The following PPARGC1B variants were observed in gnomAD, a reference collection of about 807,000 sequenced individuals.
PPARGC1B encodes the protein PPARG coactivator 1 beta, also known as peroxisome proliferator-activated receptor gamma coactivator 1-beta.
PPARGC1B carries 34 observed loss-of-function variants against 101.6 expected under a neutral mutation model. The ratio of observed to expected loss-of-function variants is 0.33; its 90% CI spans 0.25 to 0.45. PPARGC1B has a LOEUF of 0.45. PPARGC1B is among the 20% of genes least tolerant of loss of function. PPARGC1B has a pLI of 1.00. For synonymous variants in PPARGC1B, 548 were observed against 539.3 expected (o/e 1.02, Z -0.22); for missense variants, 1,234 against 1,317.6 (o/e 0.94, Z 0.98).
intron 1 of PPARGC1B, chr5:149,732,875 T>TG (rs1180918386): frequency 2.1e-6 from 1 of 470,632 alleles, no homozygotes; most frequent in African/African-American, 2.0e-5. Context: ...GCACTGGACT[T>TG]GGAGTCAGAA....
chr5:149,747,188 C>G (rs543523245), intron 1 of PPARGC1B, among the ~76,000 whole-genome samples: 118 of 152,228 alleles, frequency 7.8e-4, no homozygotes, highest in South Asian at 3.3e-3. Context: ...TGTCAGGAAG[C>G]CTTTGCCTGC....
At chr5:149,829,130 G>C (rs934996547) in intron 3 of PPARGC1B, among the ~76,000 whole-genome samples, 21 of 152,136 alleles carry the variant, frequency 1.4e-4, no homozygotes, top group African/African-American at 4.3e-4. Flanking sequence ...ATCCCAGAGA[G>C]TCCAGCGATG....
Position 149,833,171 on chromosome 5 carries a change from T to C in PPARGC1B, c.1098T>C (p.Tyr366=). ...SKPYRLATPV[Y]ASLTPRSRPR... ...CCTACCGTCTGGCCACGCCTGTTTA[T>C]GCCTCCCTCACACCTCGGTCAAGGC... The change falls in exon 5 of 12, where the codon TAT becomes TAC. Residue 366 remains tyrosine (Y), a synonymous_variant. Transcript: ENST00000309241. The surrounding 1 kb of genome is among the most constrained non-coding windows in gnomAD (Gnocchi z 4.1). 1 of 1,613,588 alleles carries C rather than the reference T, an allele frequency of 6.2e-7. No homozygotes were observed. The highest frequency in any genetic ancestry group is 1.1e-5 in the South Asian group (1 of 91,088).
At chr5:149,763,357 CA>C (rs1245351795) in intron 1 of PPARGC1B, among the ~76,000 whole-genome samples, 1 of 152,070 alleles carries the variant, frequency 6.6e-6, no homozygotes, top group Non-Finnish European at 1.5e-5. Flanking sequence ...TTCTTGTCAT[CA>C]GGGGCTGTTG....
chr5:149,755,751 C>T (rs2113136133), intron 1 of PPARGC1B, among the ~76,000 whole-genome samples: 1 of 151,780 alleles, frequency 6.6e-6, no homozygotes, highest in Non-Finnish European at 1.5e-5. Flanking sequence ...TCAAGCGATT[C>T]TCTTGCCTCA....
In PPARGC1B at chr5:149,762,601, G is replaced by A. The variant is rs568376354; in HGVS notation, c.78+32181G>A. ...TCCCTCATGGAAGGGATTTTAGAGG[G>A]TGTGTTATCCAAATAGCCTCCCAGG... On this transcript the variant is annotated intron_variant, in intron 1 of 11. Transcript: ENST00000309241. 2.6e-5 allele frequency among the ~76,000 whole-genome samples: 4 copies of A among 152,340 alleles called. No homozygotes were observed. In the East Asian group the frequency reaches 5.8e-4, roughly 22 times the overall value.
chr5:149,778,181 G>A (rs1254375522), intron 1 of PPARGC1B, among the ~76,000 whole-genome samples: 1 of 150,746 alleles, frequency 6.6e-6, no homozygotes, highest in Non-Finnish European at 1.5e-5. Context: ...CTGGCTGCTC[G>A]TATCCATGGA....
chr5:149,836,480 A>G lies in PPARGC1B; in HGVS notation c.2025A>G (p.Pro675=), dbSNP rs1303503843. The G allele has an allele frequency of 6.2e-7, 1 of 1,614,020 alleles. No homozygotes were observed. The highest frequency in any genetic ancestry group is 8.5e-7 in the Non-Finnish European group (1 of 1,180,034). ...ACCTGCGACATGCCACAGCCCAGCCAGCCTCCCAGGCTGGCCAGAAGCGTC... is the reference window on the plus strand; with the variant it reads ...ACCTGCGACATGCCACAGCCCAGCCGGCCTCCCAGGCTGGCCAGAAGCGTC... The part of the protein sequence containing the change: ...LSHLRHATAQ[P]ASQAGQKRPF... Residue 675 remains proline (P), a synonymous_variant, in exon 8 of 12, where the codon CCA becomes CCG. Transcript: ENST00000309241.
At chr5:149,747,037 CTA>C (rs1755118870) in intron 1 of PPARGC1B, among the ~76,000 whole-genome samples, 1 of 152,176 alleles carries the variant, frequency 6.6e-6, no homozygotes, top group Non-Finnish European at 1.5e-5. Flanking sequence ...TTCTCCCATT[CTA>C]TGTGTTGCCT....
intron 1 of PPARGC1B, among the ~76,000 whole-genome samples, chr5:149,764,579 C>A (rs901019584): frequency 2.6e-5 from 4 of 152,156 alleles, no homozygotes; most frequent in African/African-American, 9.7e-5. Flanking sequence ...GAAACTGAGT[C>A]CCAGCAAGTG....
intron 1 of PPARGC1B, among the ~76,000 whole-genome samples, chr5:149,795,595 G>C (rs1757180122): frequency 1.3e-5 from 2 of 152,172 alleles, no homozygotes; most frequent in Admixed American, 6.5e-5. Context: ...ATGCAAATCT[G>C]AGTACAGGTG....
At chr5:149,807,648 C>T (rs1191396709) in intron 1 of PPARGC1B, among the ~76,000 whole-genome samples, 2 of 152,122 alleles carry the variant, frequency 1.3e-5, no homozygotes, top group Non-Finnish European at 2.9e-5. Context: ...CTGAATGCCA[C>T]CCCCCATCCT....
chr5:149,838,828 A>T (rs894375900), intron 8 of PPARGC1B, among the ~76,000 whole-genome samples: 1 of 152,208 alleles, frequency 6.6e-6, no homozygotes, highest in Non-Finnish European at 1.5e-5. Flanking sequence ...AAACCTGGTA[A>T]GATACTAATC....
chr5:149,817,758 C>A (rs1257217764), intron 1 of PPARGC1B: 2 of 456,596 alleles, frequency 4.4e-6, no homozygotes, highest in Non-Finnish European at 4.4e-6. Flanking sequence ...TGAACTCATA[C>A]AGCTGATGGG....
In PPARGC1B at chr5:149,847,662, G is replaced by C. The variant is rs555867703; in HGVS notation, c.*104G>C. 1 of 815,216 alleles carries C rather than the reference G, an allele frequency of 1.2e-6. No homozygotes were observed. Among genetic ancestry groups the C allele is most frequent in the Non-Finnish European group, 2.0e-6 (1 of 495,426 alleles). 50.5% of individuals were successfully genotyped at this position (815,216 alleles called of 1,614,324 possible). A position where few individuals can be genotyped will look rare whatever the true frequency, so the allele number is the denominator to read the frequency against. On this transcript the variant is annotated 3_prime_UTR_variant, in exon 12 of 12. Coordinates refer to ENST00000309241, the MANE Select transcript of PPARGC1B (RefSeq NM_133263.4). ...AAGTATATGAGGAGAGCGAGCGAGC[G>C]TGAGAGAACACCCGTGAGAGAGACT...
Position 149,762,907 on chromosome 5 carries a change from C to T in PPARGC1B, c.78+32487C>T, listed in dbSNP as rs367780922. Among the ~76,000 whole-genome samples the T allele has an allele frequency of 2.0e-5, 3 of 152,282 alleles. No homozygotes were observed. The East Asian group carries it at 5.8e-4, about 29-fold the overall frequency. On this transcript the variant is annotated intron_variant, in intron 1 of 11. Transcript: ENST00000309241. ...GCTCAAGTGATTCTCCCACCTCAGC[C>T]TCCCAAGCAGCTGAAACTATAGGTG...
At chr5:149,814,746 T>C (rs1757990221) in intron 1 of PPARGC1B, among the ~76,000 whole-genome samples, 1 of 152,250 alleles carries the variant, frequency 6.6e-6, no homozygotes, top group South Asian at 2.1e-4. Flanking sequence ...AAGCTTCCAA[T>C]GAAGCCACTT....
intron 1 of PPARGC1B, among the ~76,000 whole-genome samples, chr5:149,776,840 C>T (rs1447977349): frequency 5.3e-5 from 8 of 152,222 alleles, no homozygotes; most frequent in Non-Finnish European, 7.3e-5. Context: ...GAAATGGCCC[C>T]GTAACCTTTT....
intron 10 of PPARGC1B, among the ~76,000 whole-genome samples, chr5:149,843,650 C>A (rs531954162): frequency 4.4e-4 from 67 of 152,274 alleles, no homozygotes; most frequent in Non-Finnish European, 9.0e-4. Context: ...GGTATATATT[C>A]AGAAGAATTG....
Sources: allele counts gnomAD v4.1 joint callset (sites outside exome capture counted in the v4.1 genomes callset), GRCh38; gene constraint gnomAD v4.1.1; non-coding constraint Gnocchi (gnomAD v3.1); transcripts MANE v1.5; gene names NCBI Gene and HGNC (gene_info 2026-07-23, HGNC 2026-07-21).